PHLPP1: variants seen among roughly 807,000 people sequenced by gnomAD.
The protein encoded by PHLPP1 is PH domain leucine-rich repeat-containing protein phosphatase 1.
In PHLPP1, 42 loss-of-function variants were observed where a neutral mutation model predicts 117.2. The observed-to-expected ratio is 0.36, with a 90% CI of 0.28 to 0.46. The LOEUF is 0.46. Ranked by LOEUF, PHLPP1 falls within the 20% of genes least tolerant of loss-of-function variation. PHLPP1 has a pLI of 1.00. For missense variants in PHLPP1, 2,084 were observed against 2,241.9 expected, an observed-to-expected ratio of 0.93 and a Z score of 1.42; for synonymous variants, 1,042 against 970.7, an observed-to-expected ratio of 1.07 and a Z score of -1.37.
intron 1 of PHLPP1, among the ~76,000 whole-genome samples, chr18:62,722,659 A>G (rs1910957603): frequency 6.6e-6 from 1 of 152,204 alleles, no homozygotes; most frequent in Admixed American, 6.5e-5. Flanking sequence ...TAAAGATAAT[A>G]TAATTAAACA....
At chr18:62,793,804 G>C (rs781635401) in intron 1 of PHLPP1, among the ~76,000 whole-genome samples, 1 of 152,148 alleles carries the variant, frequency 6.6e-6, no homozygotes, top group Non-Finnish European at 1.5e-5. Context: ...CCTGTGCCAT[G>C]ATGGTAATTC....
intron 3 of PHLPP1, among the ~76,000 whole-genome samples, chr18:62,851,629 A>G (rs1434560409): frequency 2.6e-5 from 4 of 151,618 alleles, no homozygotes; most frequent in African/African-American, 7.3e-5. Context: ...CCCGGCTAAT[A>G]TTTGTATTTC....
chr18:62,776,071 A>AAT (rs1555671450), intron 1 of PHLPP1, among the ~76,000 whole-genome samples: 7 of 152,000 alleles, frequency 4.6e-5, no homozygotes, highest in Admixed American at 6.5e-5. Context: ...GATTTAAAAA[A>AAT]ATATATATAT....
chr18:62,837,079 C>T (rs565434144), intron 2 of PHLPP1, among the ~76,000 whole-genome samples: 151 of 152,330 alleles, frequency 9.9e-4, no homozygotes, highest in Middle Eastern at 6.8e-3. Flanking sequence ...CCTCCCCAGG[C>T]TTGGGCGATT....
At chr18:62,866,676 T>C (rs1915778673) in intron 4 of PHLPP1, among the ~76,000 whole-genome samples, 1 of 152,174 alleles carries the variant, frequency 6.6e-6, no homozygotes, top group Non-Finnish European at 1.5e-5. Context: ...ATTAAAATGC[T>C]CCCAAAGAGC....
chr18:62,737,908 G>T (rs1044037483), intron 1 of PHLPP1, among the ~76,000 whole-genome samples: 22 of 149,774 alleles, frequency 1.5e-4, no homozygotes, highest in African/African-American at 3.6e-4. Flanking sequence ...TATATGTGGA[G>T]GGGGGAAGGG....
In PHLPP1 at chr18:62,905,289, GAAGTC is replaced by G. The variant is rs1302031880; in HGVS notation, c.2708+11_2708+15del. On this transcript the variant is annotated splice_donor_region_variant and intron_variant, in intron 8 of 16. Transcript: ENST00000262719. ...GTCCTACATGGATGTTTCAAGGTAAGAAGTCAAGTCTTAGAGCCCTCTAGAGTCTA... is the reference window on the plus strand; with the variant it reads ...GTCCTACATGGATGTTTCAAGGTAAGAAGTCTTAGAGCCCTCTAGAGTCTA... The G allele has an allele frequency of 2.0e-6, 3 of 1,483,840 alleles. No individual in the cohort carries two copies. The highest frequency in any genetic ancestry group is 1.8e-6 in the Non-Finnish European group (2 of 1,108,666). 91.9% of individuals were successfully genotyped at this position (1,483,840 alleles called of 1,614,324 possible). A position where few individuals can be genotyped will look rare whatever the true frequency, so the allele number is the denominator to read the frequency against.
chr18:62,923,166 C>T (rs1054783671), intron 10 of PHLPP1, among the ~76,000 whole-genome samples: 3 of 152,174 alleles, frequency 2.0e-5, no homozygotes, highest in Admixed American at 2.0e-4. Context: ...CTACAGCCAG[C>T]TGCATTTTTG....
chr18:62,845,766 T>G (rs962023934), intron 3 of PHLPP1, among the ~76,000 whole-genome samples: 3 of 152,230 alleles, frequency 2.0e-5, no homozygotes, highest in African/African-American at 7.2e-5. Context: ...TTTGTAACTT[T>G]GAGGTTGTAA....
rs929566743 is a variant in PHLPP1, at chr18:62,736,560, C to T, written c.1576+19301C>T. Among the ~76,000 whole-genome samples the T allele has an allele frequency of 1.1e-4, 16 of 152,156 alleles. No individual in the cohort carries two copies. The South Asian group carries it at 1.2e-3, about 12-fold the overall frequency. On this transcript the variant is annotated intron_variant, in intron 1 of 16. Transcript: ENST00000262719. ...AAGTAGGAAGCAACAGATTGTGTAG[C>T]GGATATCACTGATTAATTCAGTGAT... is the stretch of plus-strand genomic sequence containing the variant.
chr18:62,858,831 G>T (rs958926271), intron 3 of PHLPP1, among the ~76,000 whole-genome samples: 1 of 152,084 alleles, frequency 6.6e-6, no homozygotes, highest in Non-Finnish European at 1.5e-5. Flanking sequence ...TTTGGAAATG[G>T]TAGTGTTAGT....
chr18:62,739,322 A>G (rs1232712621), intron 1 of PHLPP1, among the ~76,000 whole-genome samples: 5 of 152,226 alleles, frequency 3.3e-5, no homozygotes, highest in African/African-American at 1.2e-4. Flanking sequence ...TTATGTTTAT[A>G]TGAAGGTCAG....
At chr18:62,883,245 T>C (rs1473194549) in intron 4 of PHLPP1, among the ~76,000 whole-genome samples, 1 of 152,048 alleles carries the variant, frequency 6.6e-6, no homozygotes, top group Non-Finnish European at 1.5e-5. Context: ...TAAAAATTAG[T>C]GTGTGGCAAA....
intron 10 of PHLPP1, among the ~76,000 whole-genome samples, chr18:62,921,434 A>G (rs1009637550): frequency 6.6e-6 from 1 of 152,214 alleles, no homozygotes; most frequent in Non-Finnish European, 1.5e-5. Flanking sequence ...CCTAAGCCGA[A>G]TTAGATTTCC....
At chr18:62,944,991 C>T in intron 11 of PHLPP1, 118 bp from the exon 12 acceptor site, 1 of 740,778 alleles carries the variant, frequency 1.3e-6, no homozygotes, top group East Asian at 3.1e-5. Flanking sequence ...AAAAAATGGT[C>T]TTGTTTGTAA....
chr18:62,753,151 C>G (rs1483386008), intron 1 of PHLPP1, among the ~76,000 whole-genome samples: 1 of 152,118 alleles, frequency 6.6e-6, no homozygotes, highest in African/African-American at 2.4e-5. Flanking sequence ...AGAGCTTTTT[C>G]TGTTTTGTTT....
At chr18:62,897,713 G>C (rs1197062583) in intron 6 of PHLPP1, among the ~76,000 whole-genome samples, 1 of 152,012 alleles carries the variant, frequency 6.6e-6, no homozygotes, top group Non-Finnish European at 1.5e-5. Flanking sequence ...CACCATATTG[G>C]CCAGACTGGT....
chr18:62,953,864 A>T (rs1394586907), intron 12 of PHLPP1, among the ~76,000 whole-genome samples: 8 of 152,138 alleles, frequency 5.3e-5, no homozygotes, highest in Non-Finnish European at 1.2e-4. Context: ...AGTCTGCAGG[A>T]AGGAAGGAAG....
At chr18:62,855,222 A>T (rs1915463301) in intron 3 of PHLPP1, among the ~76,000 whole-genome samples, 1 of 152,222 alleles carries the variant, frequency 6.6e-6, no homozygotes, top group Non-Finnish European at 1.5e-5. Context: ...TAGAATAATA[A>T]AGCCTACTTG....
Sources: gnomAD v4.1 joint callset for allele counts (sites outside exome capture counted in the v4.1 genomes callset) on GRCh38, gnomAD v4.1.1 for gene constraint, MANE v1.5 for transcripts, NCBI Gene and HGNC (gene_info 2026-07-23, HGNC 2026-07-21) for gene names.